The following GFRA2 variants were observed in gnomAD, a reference collection of about 807,000 sequenced individuals.
GFRA2 encodes the protein GDNF family receptor alpha 2.
A neutral mutation model predicts 48.3 loss-of-function variants in GFRA2; 17 were observed. The ratio of observed to expected loss-of-function variants is 0.35; its 90% CI spans 0.24 to 0.53. The LOEUF (loss-of-function observed/expected upper bound fraction) is 0.53. Among genes scored for constraint, GFRA2 ranks in the 20% least tolerant of loss-of-function variants. The pLI is 0.93. For missense variants in GFRA2, 660 were observed against 637.3 expected (o/e 1.04, Z -0.38); for synonymous variants, 305 against 257.2 (o/e 1.19, Z -1.78).
At chr8:21,703,570 T>A (rs1802590979) in intron 6 of GFRA2, among the ~76,000 whole-genome samples, 1 of 152,220 alleles carries the variant, frequency 6.6e-6, no homozygotes, top group African/African-American at 2.4e-5. Context: ...TGTCTAAGCC[T>A]GGGCTAGGCG....
chr8:21,708,617 T>C (rs146278413), intron 4 of GFRA2, among the ~76,000 whole-genome samples: 51 of 152,274 alleles, frequency 3.3e-4, no homozygotes, highest in African/African-American at 1.2e-3. Context: ...TCACAGTGGA[T>C]TAGGGTGGGC....
chr8:21,737,634 GC>G (rs778210577), intron 4 of GFRA2, among the ~76,000 whole-genome samples: 1 of 151,964 alleles, frequency 6.6e-6, no homozygotes, highest in Non-Finnish European at 1.5e-5. Context: ...GTACAGTCCC[GC>G]CGTCCAGGAG....
intron 3 of GFRA2, among the ~76,000 whole-genome samples, chr8:21,772,131 T>G (rs1359670428): frequency 1.6e-4 from 24 of 152,284 alleles, no homozygotes; most frequent in African/African-American, 5.8e-4. Context: ...TGGGAAGCAC[T>G]GCTCCAAGCT....
In GFRA2 at chr8:21,788,686, G is replaced by A. The variant is rs1443865586; in HGVS notation, c.-527C>T. On this transcript the variant is annotated 5_prime_UTR_variant, in exon 1 of 9. Coordinates refer to ENST00000524240, the MANE Select transcript of GFRA2 (RefSeq NM_001495.5). ...TCGGAGCTTCGAGGACGAGAGACTG[G>A]AGTCGCTTCTTTCGCACCAAGACGA... 3 of 985,600 alleles carry A rather than the reference G, an allele frequency of 3.0e-6. No homozygotes were observed. Among genetic ancestry groups the A allele is most frequent in the African/African-American group, 1.7e-5 (1 of 57,272 alleles). The allele number at this position is 985,600 out of a possible 1,614,324, so 61.1% of individuals were successfully genotyped here.
intron 1 of GFRA2, among the ~76,000 whole-genome samples, chr8:21,787,533 G>T (rs1277364149): frequency 2.6e-5 from 4 of 152,292 alleles, no homozygotes; most frequent in Non-Finnish European, 5.9e-5. Context: ...TGGAGCCGCC[G>T]GTTAGGGGCT....
At chr8:21,735,019 C>T (rs983019546) in intron 4 of GFRA2, among the ~76,000 whole-genome samples, 9 of 152,252 alleles carry the variant, frequency 5.9e-5, no homozygotes, top group African/African-American at 1.4e-4. Flanking sequence ...CAAGTTGTCC[C>T]GCCTTCTGGA....
chr8:21,794,231 G>A (rs1483822517), intron 2 of GFRA2, among the ~76,000 whole-genome samples: 2 of 121,880 alleles, frequency 1.6e-5, no homozygotes, highest in Admixed American at 1.7e-4. Flanking sequence ...TCCTGAGAGT[G>A]ACTTTTTTTT....
intron 7 of GFRA2, among the ~76,000 whole-genome samples, chr8:21,697,134 GGGGACAGAGGGAGAGGGGAA>G (rs2117328247): frequency 1.3e-5 from 2 of 149,858 alleles, no homozygotes; most frequent in Non-Finnish European, 3.0e-5. Context: ...AGAAGGGGGA[GGGGACAGAGGGAGAGGGGAA>G]GGGACAGAGG....
rs1447524800 is a variant in GFRA2, at chr8:21,788,066, CCGCCTCCCCGGCTTCT to C, written c.40+38_40+53del. Reference sequence around the variant, plus strand: ...CCCCCACCGGCGCTCCGCTCGCCCCCCGCCTCCCCGGCTTCTCGCCTCCCCCTCGAGCTCGCCGCCC... The same window carrying C: ...CCCCCACCGGCGCTCCGCTCGCCCCCCGCCTCCCCCTCGAGCTCGCCGCCC... On this transcript the variant is annotated intron_variant, in intron 1 of 8. Transcript: ENST00000524240. 3.9e-6 allele frequency: 4 copies of C among 1,035,764 alleles called. No homozygotes were observed. The South Asian group carries it at 5.9e-5, about 15-fold the overall frequency. 64.2% of individuals were successfully genotyped at this position (1,035,764 alleles called of 1,614,324 possible). A position where few individuals can be genotyped will look rare whatever the true frequency, so the allele number is the denominator to read the frequency against.
Position 21,796,891 on chromosome 8 carries a change from G to A in GFRA2, c.-36+8126C>T, listed in dbSNP as rs377740642. Among the ~76,000 whole-genome samples the A allele has an allele frequency of 1.1e-3, 169 of 152,320 alleles. 1 individual carries two copies. Among genetic ancestry groups the A allele is most frequent in the African/African-American group, 3.8e-3 (159 of 41,566 alleles). On this transcript the variant is annotated intron_variant, in intron 2 of 10. Coordinates refer to the GFRA2 transcript ENST00000517328. ...AATAATGAACTACCAGCAAGTGCAC[G>A]GCCTTCAACAGCCTTCGGTGCTTTT...
At position 21,693,352 on chromosome 8, in the gene GFRA2, A is replaced by C. The variant is rs767275548; in HGVS notation, c.1321T>G (p.Ser441Ala). The change falls in exon 9 of 9, where the codon TCA becomes GCA. Residue 441 changes from serine (S) to alanine (A), a missense_variant. Transcript: ENST00000524240. Reference sequence around the variant, plus strand: ...GACGGTCTGGCTCTGCTGGGGCCTGAGTTAGGTTTGATCACCTTGTTACTC... The same window carrying C: ...GACGGTCTGGCTCTGCTGGGGCCTGCGTTAGGTTTGATCACCTTGTTACTC... Reference protein sequence around the residue: ...PGSNKVIKPNSGPSRARPSAA... With the variant: ...PGSNKVIKPNAGPSRARPSAA... 2.5e-6 allele frequency: 4 copies of C among 1,613,314 alleles called. No homozygotes were observed. The highest frequency in any genetic ancestry group is 2.2e-5 in the South Asian group (2 of 90,926).
intron 1 of GFRA2, among the ~76,000 whole-genome samples, chr8:21,785,587 C>T (rs1585341721): frequency 6.6e-6 from 1 of 152,148 alleles, no homozygotes; most frequent in East Asian, 1.9e-4. Flanking sequence ...GGTGGAGAAG[C>T]GACACAGGGC....
intron 7 of GFRA2, among the ~76,000 whole-genome samples, chr8:21,702,240 G>C (rs367897452): frequency 1.3e-5 from 2 of 152,206 alleles, no homozygotes; most frequent in African/African-American, 2.4e-5. Context: ...ACATGGAAGA[G>C]CTCCCCACCC....
chr8:21,749,990 G>A (rs1030939760), intron 4 of GFRA2, among the ~76,000 whole-genome samples: 2 of 152,040 alleles, frequency 1.3e-5, no homozygotes, highest in African/African-American at 4.8e-5. Flanking sequence ...TATTAGGAAG[G>A]TAGTTTTGGG....
At chr8:21,697,880 C>A (rs1234246570) in intron 7 of GFRA2, among the ~76,000 whole-genome samples, 1 of 152,180 alleles carries the variant, frequency 6.6e-6, no homozygotes, top group Non-Finnish European at 1.5e-5. Context: ...TGTAAGACGT[C>A]CCTTTGCTCT....
intron 2 of GFRA2, among the ~76,000 whole-genome samples, chr8:21,782,144 A>C (rs1585337141): frequency 6.6e-6 from 1 of 152,118 alleles, no homozygotes. Context: ...CTCAGCCTGC[A>C]CCCAGCCTGC....
intron 1 of GFRA2, among the ~76,000 whole-genome samples, chr8:21,783,639 C>A (rs979111393): frequency 1.3e-5 from 2 of 152,074 alleles, no homozygotes; most frequent in African/African-American, 4.8e-5. Flanking sequence ...CCCCCTCACC[C>A]CTCCACACCT....
At chr8:21,801,927 T>C (rs1288503566) in intron 2 of GFRA2, among the ~76,000 whole-genome samples, 1 of 152,166 alleles carries the variant, frequency 6.6e-6, no homozygotes, top group Admixed American at 6.5e-5. Context: ...AAAGGCATCC[T>C]TTCTGTCCTG....
chr8:21,693,425 C>A, intron 8 of GFRA2, 25 bp from the exon 9 acceptor site: 1 of 1,590,654 alleles, frequency 6.3e-7, no homozygotes, highest in Non-Finnish European at 8.6e-7. Flanking sequence ...GGAGAAGAAT[C>A]AGGAACAAAG....
Sources: allele counts gnomAD v4.1 joint callset (sites outside exome capture counted in the v4.1 genomes callset), GRCh38; gene constraint gnomAD v4.1.1; transcripts MANE v1.5; gene names NCBI Gene and HGNC (gene_info 2026-07-23, HGNC 2026-07-21).